The following KCNH1 variants were observed in gnomAD, a reference collection of about 807,000 sequenced individuals.
KCNH1 encodes the protein voltage-gated delayed rectifier potassium channel KCNH1.
KCNH1 carries 27 observed loss-of-function variants against 69.2 expected under a neutral mutation model. That is an observed-to-expected ratio of 0.39 (90% CI 0.29 to 0.54). The LOEUF (loss-of-function observed/expected upper bound fraction) is 0.54, where lower values mean the gene tolerates loss of function less well. Ranked by LOEUF, KCNH1 falls within the 20% of genes least tolerant of loss-of-function variation. The pLI is 0.68. For missense variants in KCNH1, 798 were observed against 1,261.6 expected (o/e 0.63, Z 5.57); for synonymous variants, 456 against 487.7 (o/e 0.93, Z 0.86).
chr1:210,866,935 A>G (rs1313523076), intron 7 of KCNH1, among the ~76,000 whole-genome samples: 1 of 152,164 alleles, frequency 6.6e-6, no homozygotes, highest in Non-Finnish European at 1.5e-5. Context: ...CAGTAATAAA[A>G]AGGAATGAAA....
rs755627536 is a variant in KCNH1 at position 210,797,751 on chromosome 1, T to C, written c.1672A>G (p.Ile558Val). The C allele has an allele frequency of 3.7e-6, 6 of 1,611,992 alleles. No individual in the cohort carries two copies. Among genetic ancestry groups the C allele is most frequent in the Non-Finnish European group, 3.4e-6 (4 of 1,178,262 alleles). Residue 558 changes from isoleucine to valine, a missense_variant, in exon 9 of 11, where the codon ATC becomes GTC. Transcript: ENST00000271751. ...TCGGCTCTCATGTCCTTGGGGCAGA[T>C]CTGCAGGACCTAGCCAGGTACAGAA... The part of the protein sequence containing the change: ...RGIDTEKVLQ[I>V]CPKDMRADIC...
chr1:211,117,873 C>G (rs1394732839), intron 1 of KCNH1, among the ~76,000 whole-genome samples: 1 of 152,118 alleles, frequency 6.6e-6, no homozygotes, highest in Admixed American at 6.5e-5. Flanking sequence ...AGATGATGCC[C>G]CACAACCTGC....
At chr1:211,013,071 C>A (rs1184797629) in intron 6 of KCNH1, among the ~76,000 whole-genome samples, 3 of 152,206 alleles carry the variant, frequency 2.0e-5, no homozygotes, top group African/African-American at 7.2e-5. Flanking sequence ...TTTCACCTGA[C>A]AGCTTCCCAC....
intron 10 of KCNH1, among the ~76,000 whole-genome samples, chr1:210,721,598 G>A (rs1682460511): frequency 6.6e-6 from 1 of 152,128 alleles, no homozygotes. Flanking sequence ...CCAGGCACAA[G>A]GCATGAAGGA....
At chr1:210,741,706 C>T (rs141269240) in intron 10 of KCNH1, among the ~76,000 whole-genome samples, 3 of 152,126 alleles carry the variant, frequency 2.0e-5, no homozygotes, top group Admixed American at 1.3e-4. Context: ...CTGTGTGAGG[C>T]CTGCGAGCGT....
chr1:211,132,781 TG>T (rs1691899157), intron 1 of KCNH1: 1 of 152,212 alleles, frequency 6.6e-6, no homozygotes, highest in African/African-American at 2.4e-5. Flanking sequence ...GAATGTCATC[TG>T]TTTCTGGAAG....
intron 5 of KCNH1, among the ~76,000 whole-genome samples, chr1:211,053,362 A>G (rs997812734): frequency 1.3e-5 from 2 of 152,222 alleles, no homozygotes; most frequent in South Asian, 2.1e-4. Context: ...AGTGCAGCCA[A>G]TGAGAGCTGA....
chr1:210,680,288 C>T lies in KCNH1; in HGVS notation c.*2993G>A, dbSNP rs1681231734. 6.6e-6 allele frequency: 1 copy of T among 152,070 alleles called. No individual in the cohort carries two copies. The highest frequency in any genetic ancestry group is 1.5e-5 in the Non-Finnish European group (1 of 68,028). 9.4% of individuals were successfully genotyped at this position (152,070 alleles called of 1,614,324 possible). On this transcript the variant is annotated 3_prime_UTR_variant, in exon 11 of 11. Transcript: ENST00000271751. ...GGATATTCTCTGGGAAATGGAGCTT[C>T]AATATGAATGACATTCAAAGTAAAG... is the stretch of plus-strand genomic sequence containing the variant.
At chr1:210,791,974 G>C (rs1684221492) in intron 9 of KCNH1, among the ~76,000 whole-genome samples, 1 of 152,122 alleles carries the variant, frequency 6.6e-6, no homozygotes, top group Admixed American at 6.5e-5. Flanking sequence ...CTTTATGTAC[G>C]TATAAGTCCT....
intron 1 of KCNH1, among the ~76,000 whole-genome samples, chr1:211,129,487 T>G (rs1385251088): frequency 6.6e-6 from 1 of 152,230 alleles, no homozygotes; most frequent in Non-Finnish European, 1.5e-5. Context: ...TTCCTTAACA[T>G]TAAATGACAA....
At chr1:210,877,554 A>G (rs59896100) in intron 7 of KCNH1, among the ~76,000 whole-genome samples, 8 of 152,188 alleles carry the variant, frequency 5.3e-5, no homozygotes, top group African/African-American at 1.9e-4. Context: ...GACCCTCATC[A>G]CTATCCAAAA....
intron 5 of KCNH1, among the ~76,000 whole-genome samples, chr1:211,042,707 C>T (rs1308392775): frequency 6.6e-6 from 1 of 152,082 alleles, no homozygotes; most frequent in Non-Finnish European, 1.5e-5. Context: ...CAAGATAGAC[C>T]ATATGATAGG....
intron 6 of KCNH1, among the ~76,000 whole-genome samples, chr1:210,940,035 T>G (rs572726631): frequency 1.3e-5 from 2 of 152,224 alleles, no homozygotes; most frequent in Non-Finnish European, 2.9e-5. Context: ...AAATATTCCA[T>G]GATGATCCCA....
In KCNH1 at chr1:210,833,925, C is replaced by T. The variant is rs528093932; in HGVS notation, c.1463-29759G>A. 3.0e-4 allele frequency among the ~76,000 whole-genome samples: 46 copies of T among 152,284 alleles called. No individual in the cohort carries two copies. The East Asian group carries it at 4.4e-3, about 15-fold the overall frequency. The stretch of plus-strand genomic sequence containing the variant: ...AAGACATTTATGCAGACAAAAAACA[C>T]ATGAAAAAATGCTCACCATCACTGG... On this transcript the variant is annotated intron_variant, in intron 7 of 10. Coordinates refer to ENST00000271751, the MANE Select transcript of KCNH1 (RefSeq NM_172362.3).
At chr1:211,059,845 A>G (rs563474442) in intron 5 of KCNH1, among the ~76,000 whole-genome samples, 1 of 152,130 alleles carries the variant, frequency 6.6e-6, no homozygotes, top group Non-Finnish European at 1.5e-5. Flanking sequence ...TCATCTGGAC[A>G]GAAAATAAAG....
At chr1:211,013,908 T>C (rs749208641) in intron 6 of KCNH1, among the ~76,000 whole-genome samples, 9 of 152,214 alleles carry the variant, frequency 5.9e-5, no homozygotes, top group Non-Finnish European at 1.3e-4. Context: ...TTTTGGAAAG[T>C]TAAAATCACA....
At chr1:211,053,157 T>C (rs1158658461) in intron 5 of KCNH1, among the ~76,000 whole-genome samples, 3 of 152,224 alleles carry the variant, frequency 2.0e-5, no homozygotes, top group Non-Finnish European at 2.9e-5. Flanking sequence ...CCCAACCTTG[T>C]TTTTTCAACT....
intron 6 of KCNH1, among the ~76,000 whole-genome samples, chr1:210,999,438 C>T (rs1215276872): frequency 2.6e-5 from 4 of 152,158 alleles, no homozygotes; most frequent in African/African-American, 7.2e-5. Context: ...TTCCTGGACA[C>T]ATACACCCTC....
intron 5 of KCNH1, among the ~76,000 whole-genome samples, chr1:211,055,878 A>G (rs889005894): frequency 1.3e-5 from 2 of 152,192 alleles, no homozygotes; most frequent in African/African-American, 4.8e-5. Flanking sequence ...TGTGCTGACT[A>G]CAGAAGACTT....
Sources: gnomAD v4.1 joint callset for allele counts (sites outside exome capture counted in the v4.1 genomes callset) on GRCh38, gnomAD v4.1.1 for gene constraint, MANE v1.5 for transcripts, NCBI Gene and HGNC (gene_info 2026-07-23, HGNC 2026-07-21) for gene names.